The following ADAMTS7 variants were observed in gnomAD, a reference collection of about 807,000 sequenced individuals.
ADAMTS7 encodes the protein ADAM metallopeptidase with thrombospondin type 1 motif 7, also known as A disintegrin and metalloproteinase with thrombospondin motifs 7.
A neutral mutation model predicts 172.6 loss-of-function variants in ADAMTS7; 89 were observed. That is an observed-to-expected ratio of 0.52 (90% CI 0.43 to 0.61). ADAMTS7 has a LOEUF of 0.61. ADAMTS7 is among the 20% of genes least tolerant of loss of function. The pLI is 0.00. For missense variants in ADAMTS7, 1,973 were observed against 2,355.6 expected (o/e 0.84, Z 3.36); for synonymous variants, 885 against 978.4 (o/e 0.90, Z 1.78).
At position 78,790,993 on chromosome 15, in the gene ADAMTS7, C is replaced by G. The variant is rs996114257; in HGVS notation, c.903+147G>C. On this transcript the variant is annotated intron_variant, in intron 5 of 23. Coordinates refer to ENST00000388820, the MANE Select transcript of ADAMTS7 (RefSeq NM_014272.5). The stretch of plus-strand genomic sequence containing the variant: ...ACCTGGGACCTGAGAGAGGGTCAGT[C>G]AGGAACCAGGGGGTGGCAGGGGACA... The G allele has an allele frequency of 6.4e-5, 78 of 1,223,968 alleles. No homozygotes were observed. In the African/African-American group the frequency reaches 1.1e-3, roughly 17 times the overall value. The allele number at this position is 1,223,968 out of a possible 1,614,324, so 75.8% of individuals were successfully genotyped here.
At chr15:78,796,531 T>G in intron 4 of ADAMTS7, 59 bp downstream of exon 4, 2 of 1,558,938 alleles carry the variant, frequency 1.3e-6, no homozygotes, top group Non-Finnish European at 8.7e-7. Context: ...GCACCCACTC[T>G]TTGCACCCCA....
At chr15:78,789,613 G>A (rs2055550056) in intron 7 of ADAMTS7, 76 bp downstream of exon 7, 2 of 1,568,734 alleles carry the variant, frequency 1.3e-6, no homozygotes, top group African/African-American at 1.3e-5. Flanking sequence ...GTGACCCACA[G>A]GCTGGATACC....
intron 4 of ADAMTS7, among the ~76,000 whole-genome samples, chr15:78,792,815 AAAAG>A (rs551751878): frequency 6.5e-4 from 99 of 152,098 alleles, no homozygotes; most frequent in Non-Finnish European, 1.1e-3. Flanking sequence ...CTCCATCTCC[AAAAG>A]AAAGAAAGAA....
intron 17 of ADAMTS7, 80 bp downstream of exon 17, chr15:78,768,053 T>TGGGGAGTTGGCGGGGGAGGGGGG: frequency 1.5e-6 from 1 of 660,604 alleles, no homozygotes; most frequent in Non-Finnish European, 2.2e-6. Context: ...GGGGATGGGG[T>TGGGGAGTTGGCGGGGGAGGGGGG]GGGGAGTTGG....
Position 78,773,016 on chromosome 15 carries a change from A to G in ADAMTS7, c.2131+67T>C, listed in dbSNP as rs935339210. On this transcript the variant is annotated intron_variant, in intron 14 of 23. Transcript: ENST00000388820. Reference sequence around the variant, plus strand: ...GCCACGAGGCCAAGGACAGGGGCCCAGGGGAGATGGGGAAGGGGCCATCAG... The same window carrying G: ...GCCACGAGGCCAAGGACAGGGGCCCGGGGGAGATGGGGAAGGGGCCATCAG... 1.0e-4 allele frequency: 148 copies of G among 1,455,084 alleles called. 2 individuals carry two copies. Among genetic ancestry groups the G allele is most frequent in the Admixed American group, 6.2e-4 (31 of 50,262 alleles). 90.1% of individuals were successfully genotyped at this position (1,455,084 alleles called of 1,614,324 possible).
intron 20 of ADAMTS7, 38 bp from the exon 21 acceptor site, chr15:78,764,137 T>A (rs1406785148): frequency 2.2e-5 from 33 of 1,480,632 alleles, no homozygotes; most frequent in Non-Finnish European, 2.8e-5. Flanking sequence ...CATCCCCATG[T>A]GCAGGCCCAC....
intron 14 of ADAMTS7, 26 bp downstream of exon 14, chr15:78,773,057 C>T (rs1356130424): frequency 1.4e-6 from 2 of 1,457,994 alleles, no homozygotes; most frequent in South Asian, 1.2e-5. Context: ...GAGCATACCC[C>T]TCCCCACAGC....
intron 4 of ADAMTS7, among the ~76,000 whole-genome samples, chr15:78,795,651 C>T (rs1171365376): frequency 6.6e-6 from 1 of 152,190 alleles, no homozygotes; most frequent in Non-Finnish European, 1.5e-5. Context: ...ATCCTGTTCA[C>T]AGCACACGCA....
At position 78,776,135 on chromosome 15, in the gene ADAMTS7, T is replaced by C. The variant is rs1437348237; in HGVS notation, c.1706+53A>G. On this transcript the variant is annotated intron_variant, in intron 11 of 23. Transcript: ENST00000388820. ...AGCCAAGCTCCTGCAATCGGCTGAC[T>C]GTTTGGGTCCCTCTGTCCCACTGCC... 2.5e-5 allele frequency: 39 copies of C among 1,553,706 alleles called. No homozygotes were observed. In the Middle Eastern group the frequency reaches 3.8e-3, roughly 152 times the overall value.
At chr15:78,777,784 C>G (rs557835740) in intron 8 of ADAMTS7, among the ~76,000 whole-genome samples, 196 bp from the exon 9 acceptor site, 15 of 152,336 alleles carry the variant, frequency 9.8e-5, no homozygotes, top group Non-Finnish European at 1.9e-4. Context: ...CCTCTCTCAT[C>G]TCACCTCCTG....
At chr15:78,782,535 C>T (rs960585411) in intron 8 of ADAMTS7, among the ~76,000 whole-genome samples, 4 of 152,078 alleles carry the variant, frequency 2.6e-5, no homozygotes, top group African/African-American at 9.7e-5. Context: ...CTGCTCCCTT[C>T]CAAAACTCCA....
At chr15:78,802,070 C>G (rs1389302617) in intron 1 of ADAMTS7, among the ~76,000 whole-genome samples, 2 of 152,036 alleles carry the variant, frequency 1.3e-5, no homozygotes, top group Non-Finnish European at 2.9e-5. Context: ...CTCCAGGTCT[C>G]AAGCGATCCT....
intron 1 of ADAMTS7, 30 bp from the exon 2 acceptor site, chr15:78,800,577 C>G: frequency 6.4e-7 from 1 of 1,558,870 alleles, no homozygotes; most frequent in Non-Finnish European, 8.7e-7. Context: ...AACGCCTAGG[C>G]CCAGGGCAGA....
chr15:78,768,820 C>T (rs1259016595), intron 16 of ADAMTS7, among the ~76,000 whole-genome samples: 1 of 152,130 alleles, frequency 6.6e-6, no homozygotes, highest in African/African-American at 2.4e-5. Flanking sequence ...AGGAGGACCA[C>T]AAGTGTCCAG....
chr15:78,772,400 C>T (rs1403161172), intron 14 of ADAMTS7, among the ~76,000 whole-genome samples: 7 of 152,246 alleles, frequency 4.6e-5, no homozygotes, highest in African/African-American at 1.7e-4. Flanking sequence ...CACCACACTG[C>T]ACTGCATCTC....
Position 78,811,231 on chromosome 15 carries a change from G to C in ADAMTS7, c.-11C>G. On this transcript the variant is annotated 5_prime_UTR_variant, in exon 1 of 24. Transcript: ENST00000388820. ...GGGGCCGCCGGGCATGGCAGGAACC[G>C]GGCGGCCGCCGGGTGACCCCGCGCG... is the stretch of plus-strand genomic sequence containing the variant. 3 of 1,226,350 alleles carry C rather than the reference G, an allele frequency of 2.4e-6. No homozygotes were observed. Among genetic ancestry groups the C allele is most frequent in the Non-Finnish European group, 3.0e-6 (3 of 984,452 alleles). The allele number at this position is 1,226,350 out of a possible 1,614,324, so 76.0% of individuals were successfully genotyped here.
At chr15:78,761,538 C>T (rs749696169) in intron 23 of ADAMTS7, among the ~76,000 whole-genome samples, 1 of 152,194 alleles carries the variant, frequency 6.6e-6, no homozygotes, top group Non-Finnish European at 1.5e-5. Flanking sequence ...TGCTTCATGC[C>T]CAGACCTCAT....
chr15:78,760,950 C>G (rs1384954104), intron 23 of ADAMTS7, among the ~76,000 whole-genome samples: 1 of 152,178 alleles, frequency 6.6e-6, no homozygotes, highest in African/African-American at 2.4e-5. Context: ...TTTCTGTTCT[C>G]TGCCCCATCT....
chr15:78,768,444 C>T (rs929247172), intron 16 of ADAMTS7, among the ~76,000 whole-genome samples, 185 bp from the exon 17 acceptor site: 1 of 152,210 alleles, frequency 6.6e-6, no homozygotes, highest in Non-Finnish European at 1.5e-5. Flanking sequence ...TCCTGGTTCT[C>T]ACCCGCCCCC....
Sources: allele counts gnomAD v4.1 joint callset (sites outside exome capture counted in the v4.1 genomes callset), GRCh38; gene constraint gnomAD v4.1.1; transcripts MANE v1.5; gene names NCBI Gene and HGNC (gene_info 2026-07-23, HGNC 2026-07-21).